TNK2: variants seen among roughly 807,000 people sequenced by gnomAD.
TNK2 encodes tyrosine kinase non receptor 2, also known as activated CDC42 kinase 1.
TNK2 carries 83 observed loss-of-function variants against 101.8 expected under a neutral mutation model. The ratio of observed to expected loss-of-function variants is 0.82; its 90% CI spans 0.68 to 0.98. TNK2 has a LOEUF of 0.98. TNK2 is among the 50% of genes least tolerant of loss of function. The pLI is 0.00. For missense variants in TNK2, 1,665 were observed against 1,483.2 expected (o/e 1.12, Z -2.01); for synonymous variants, 804 against 633.0 (o/e 1.27, Z -4.06).
chr3:195,870,958 G>A (rs1446755939), intron 10 of TNK2, among the ~76,000 whole-genome samples: 1 of 148,846 alleles, frequency 6.7e-6, no homozygotes, highest in Non-Finnish European at 1.5e-5. Flanking sequence ...TCTGGTGTGG[G>A]GGGACTCGCT....
rs202059516 is a variant in TNK2, at chr3:195,870,178, G to A, written c.1479C>T (p.Pro493=). Residue 493 remains proline (P), a synonymous_variant, in exon 11 of 16, where the codon CCC becomes CCT. Coordinates refer to ENST00000672887, the MANE Select transcript of TNK2 (RefSeq NM_001382273.1). ...TCAGTTCCACGCTCAGGAGGTCGGG[G>A]GGGTCCATGGGGTTTCCCAGATACA... The part of the protein sequence containing the change: ...DELYLGNPMD[P]PDLLSVELST... 1.2e-4 allele frequency: 178 copies of A among 1,544,680 alleles called. 1 individual carries two copies. Among genetic ancestry groups the A allele is most frequent in the East Asian group, 2.3e-4 (10 of 42,812 alleles).
chr3:195,892,777 C>T, intron 1 of TNK2: 3 of 1,223,750 alleles, frequency 2.5e-6, no homozygotes, highest in South Asian at 3.0e-5. Flanking sequence ...CCGGCTTCCC[C>T]ACCCAACTGC....
At chr3:195,901,409 G>A (rs905426974) in intron 1 of TNK2, among the ~76,000 whole-genome samples, 1 of 152,176 alleles carries the variant, frequency 6.6e-6, no homozygotes, top group Non-Finnish European at 1.5e-5. Context: ...GTGTACAGGG[G>A]ACAGAGAGAA....
chr3:195,865,572 G>A (rs1469981670), intron 15 of TNK2, among the ~76,000 whole-genome samples: 2 of 142,730 alleles, frequency 1.4e-5, no homozygotes, highest in Non-Finnish European at 3.0e-5. Context: ...AGAACCACCC[G>A]AGACAGTGAC....
chr3:195,902,802 T>A (rs943230814), intron 1 of TNK2, among the ~76,000 whole-genome samples: 1 of 151,964 alleles, frequency 6.6e-6, no homozygotes, highest in South Asian at 2.1e-4. Context: ...CAGACTGGAG[T>A]GCAGTGGCGC....
intron 11 of TNK2, 64 bp downstream of exon 11, chr3:195,870,050 A>G: frequency 8.0e-7 from 1 of 1,249,298 alleles, no homozygotes; most frequent in Non-Finnish European, 1.1e-6. Flanking sequence ...GTGGCCTGTG[A>G]AGACAGTGCC....
Position 195,887,903 on chromosome 3 carries a change from TGTGCACGTGCATGCGTGC to T in TNK2, c.163+505_163+522del, listed in dbSNP as rs1390659403. 2.4e-3 allele frequency among the ~76,000 whole-genome samples: 301 copies of T among 126,640 alleles called. 5 individuals are homozygous for T. Among genetic ancestry groups the T allele is most frequent in the African/African-American group, 0.011 (238 of 21,384 alleles). The allele number at this position is 126,640 out of a possible 152,430, so 83.1% of individuals were successfully genotyped here. On this transcript the variant is annotated intron_variant, in intron 2 of 15. Transcript: ENST00000672887. ...GCGTGCGTACGCACGTGCATGCGTGTGTGCACGTGCATGCGTGCGTGCACGTGTGTGCGCATGTGCGTG... is the reference window on the plus strand; with the variant it reads ...GCGTGCGTACGCACGTGCATGCGTGTGTGCACGTGTGTGCGCATGTGCGTG...
Position 195,868,275 on chromosome 3 carries a change from G to A in TNK2, c.2023C>T (p.Pro675Ser), listed in dbSNP as rs762219173. 6.2e-7 allele frequency: 1 copy of A among 1,604,282 alleles called. No individual in the cohort carries two copies. The highest frequency in any genetic ancestry group is 1.1e-5 in the South Asian group (1 of 91,074). Residue 675 changes from proline (P) to serine (S), a missense_variant, in exon 13 of 16, where the codon CCT (proline) becomes TCT (serine). By Grantham distance (74) the Pro-to-Ser change is moderately conservative. Transcript: ENST00000672887. The part of the protein sequence containing the change: ...INSTLVGAGV[P>S]AGPSQGQTNY... ...GTCTGGCCCTGGCTGGGCCCGGCAG[G>A]GACCCCCGCGCCCACGAGGGTGCTG...
In TNK2 at chr3:195,868,003, C is replaced by T. The variant is rs562412914; in HGVS notation, c.2295G>A (p.Thr765=). 2.8e-4 allele frequency: 442 copies of T among 1,569,002 alleles called. No homozygotes were observed. The highest frequency in any genetic ancestry group is 3.4e-4 in the Non-Finnish European group (395 of 1,165,774). ...CTGGAGACAGCTGGACGTGTGGGCGCGTGGGCCGAGGGGGGATGGGTACCC... is the reference window on the plus strand; with the variant it reads ...CTGGAGACAGCTGGACGTGTGGGCGTGTGGGCCGAGGGGGGATGGGTACCC... ...PPRVPIPPRP[T]RPHVQLSPAP... is the part of the protein sequence containing the mutation. Residue 765 remains threonine (T), a synonymous_variant, in exon 13 of 16, where the codon ACG becomes ACA. Transcript: ENST00000672887.
rs779409304 is a variant in TNK2 at position 195,868,495 on chromosome 3, C to CG, written c.1802dup (p.Pro602AlafsTer50). On this transcript the variant is annotated frameshift_variant, in exon 13 of 16. Coordinates refer to ENST00000672887, the MANE Select transcript of TNK2 (RefSeq NM_001382273.1). LOFTEE classifies it high-confidence loss of function. The stretch of plus-strand genomic sequence containing the variant: ...CCATGGCCAGCTGCGCCAGGGAGGG[C>CG]GCGCAGGGCCGTAGGGCCGGGACCA... The CG allele has an allele frequency of 5.2e-6, 8 of 1,546,622 alleles. No individual in the cohort carries two copies. The South Asian group carries it at 9.4e-5, about 18-fold the overall frequency.
At chr3:195,869,335 G>T (rs982908058) in intron 12 of TNK2, 162 bp downstream of exon 12, 14 of 749,616 alleles carry the variant, frequency 1.9e-5, no homozygotes, top group African/African-American at 1.2e-4. Context: ...GCGGGCTCGA[G>T]GGGGGGCAGG....
chr3:195,896,511 G>C (rs555079604), intron 1 of TNK2, among the ~76,000 whole-genome samples: 2 of 152,142 alleles, frequency 1.3e-5, no homozygotes, highest in Non-Finnish European at 2.9e-5. Context: ...GAAGCTCCTC[G>C]GCATCTTACT....
In TNK2 at chr3:195,895,516, C is replaced by T. The variant is rs1577113626; in HGVS notation, c.-18-6910G>A. The T allele has an allele frequency of 5.9e-6, 8 of 1,351,072 alleles. No individual in the cohort carries two copies. In the East Asian group the frequency reaches 2.2e-4, roughly 37 times the overall value. 83.7% of individuals were successfully genotyped at this position (1,351,072 alleles called of 1,614,324 possible). A position where few individuals can be genotyped will look rare whatever the true frequency, so the allele number is the denominator to read the frequency against. On this transcript the variant is annotated intron_variant, in intron 1 of 15. Transcript: ENST00000672887. ...TCGCGCCCCTCCTCCTGCCGGCCTG[C>T]GGCCATTCCCTCCTGCAGCCCGTCC... is the stretch of plus-strand genomic sequence containing the variant.
At chr3:195,892,612 G>A (rs970579698) in intron 1 of TNK2, 13 of 1,452,924 alleles carry the variant, frequency 8.9e-6, no homozygotes, top group Non-Finnish European at 1.2e-5. Flanking sequence ...GGAAGAACGG[G>A]GTGGGCCCCT....
intron 1 of TNK2, among the ~76,000 whole-genome samples, chr3:195,900,856 C>T (rs1028360179): frequency 5.9e-5 from 9 of 152,206 alleles, no homozygotes; most frequent in Admixed American, 4.6e-4. Flanking sequence ...AGAGGCTGCC[C>T]GGCTCGTCAT....
At chr3:195,873,182 CCA>C (rs1290036206) in intron 9 of TNK2, among the ~76,000 whole-genome samples, 1 of 152,194 alleles carries the variant, frequency 6.6e-6, no homozygotes. Flanking sequence ...CTCAGCTCTC[CCA>C]CAGTGACCAG....
Position 195,867,444 on chromosome 3 carries a change from G to A in TNK2, c.2854C>T (p.Pro952Ser). 1.9e-6 allele frequency: 3 copies of A among 1,595,798 alleles called. No individual in the cohort carries two copies. Among genetic ancestry groups the A allele is most frequent in the Non-Finnish European group, 2.5e-6 (3 of 1,176,792 alleles). ...TGTGGCAGCCGAGCAGTGGCCCTCG[G>A]GGGTGGTGGCCGGGCCCCTGGGTTG... is the stretch of plus-strand genomic sequence containing the variant. ...NSNPGARPPP[P>S]RATARLPQRG... is the part of the protein sequence containing the mutation. Residue 952 changes from proline to serine, a missense_variant, in exon 13 of 16, where the codon CCG becomes TCG. Physicochemically the swap from Pro to Ser is moderately conservative, Grantham distance 74. Transcript: ENST00000672887.
chr3:195,887,837 T>C (rs1465908409), intron 2 of TNK2, among the ~76,000 whole-genome samples: 6 of 59,810 alleles, frequency 1.0e-4, no homozygotes, highest in Non-Finnish European at 1.4e-4. Context: ...CGCACACACG[T>C]GTGTGTGTGT....
intron 1 of TNK2, among the ~76,000 whole-genome samples, chr3:195,905,946 T>TATC (rs1311489852): frequency 6.6e-6 from 1 of 152,052 alleles, no homozygotes; most frequent in African/African-American, 2.4e-5. Flanking sequence ...AAGGCTTATA[T>TATC]CCAGAATATA....
Sources: allele counts gnomAD v4.1 joint callset (sites outside exome capture counted in the v4.1 genomes callset), GRCh38; gene constraint gnomAD v4.1.1; transcripts MANE v1.5; gene names NCBI Gene and HGNC (gene_info 2026-07-23, HGNC 2026-07-21).